CRYBG1: variants seen among roughly 807,000 people sequenced by gnomAD.
CRYBG1 encodes the protein crystallin beta-gamma domain containing 1, also known as beta/gamma crystallin domain-containing protein 1.
CRYBG1 carries 139 observed loss-of-function variants against 189.2 expected under a neutral mutation model. The observed-to-expected ratio is 0.73, with a 90% CI of 0.64 to 0.85. The LOEUF is 0.85. Ranked by LOEUF, CRYBG1 falls within the 40% of genes least tolerant of loss-of-function variation. CRYBG1 has a pLI of 0.00. For missense variants in CRYBG1, 2,611 were observed against 2,675.8 expected (o/e 0.98, Z 0.53); for synonymous variants, 1,023 against 1,017.1 (o/e 1.01, Z -0.11).
chr6:106,402,843 T>G (rs1460483009), intron 1 of CRYBG1, among the ~76,000 whole-genome samples: 1 of 149,820 alleles, frequency 6.7e-6, no homozygotes, highest in African/African-American at 2.5e-5. Flanking sequence ...GCAGGATGAG[T>G]GAGGGGAGGG....
At chr6:106,485,863 G>T (rs1428786643) in intron 2 of CRYBG1, among the ~76,000 whole-genome samples, 1 of 152,140 alleles carries the variant, frequency 6.6e-6, no homozygotes, top group African/African-American at 2.4e-5. Flanking sequence ...GTTGAATTTG[G>T]TTTGCAAATA....
At chr6:106,395,881 T>TCTAGACAAATGACAAGCC (rs1770596726) in intron 1 of CRYBG1, among the ~76,000 whole-genome samples, 1 of 152,036 alleles carries the variant, frequency 6.6e-6, no homozygotes, top group South Asian at 2.1e-4. Context: ...TACCCTGAGC[T>TCTAGACAAATGACAAGCC]CTAGGCAAAT....
rs114655182 is a variant in CRYBG1, at chr6:106,425,590, A to C, written c.174-26104A>C. 3.3e-3 allele frequency among the ~76,000 whole-genome samples: 502 copies of C among 152,310 alleles called. 4 individuals carry two copies. Among genetic ancestry groups the C allele is most frequent in the African/African-American group, 0.012 (484 of 41,564 alleles). On this transcript the variant is annotated intron_variant, in intron 1 of 21. Coordinates refer to ENST00000633556, the MANE Select transcript of CRYBG1 (RefSeq NM_001371242.2). ...TAAATACACTTTCTAACGCAATGTGACTGGAGAAAAGTTCACAGCTATGTT... is the reference window on the plus strand; with the variant it reads ...TAAATACACTTTCTAACGCAATGTGCCTGGAGAAAAGTTCACAGCTATGTT...
intron 21 of CRYBG1, among the ~76,000 whole-genome samples, chr6:106,566,167 GA>G (rs34366986): frequency 0.019 from 2,309 of 123,822 alleles, 57 homozygotes; most frequent in African/African-American, 0.057. Context: ...GCACCAGCGT[GA>G]AAAAAAAAAA....
Position 106,561,335 on chromosome 6 carries a change from C to T in CRYBG1, c.5980-7C>T, listed in dbSNP as rs1774712448. ...GTATAACAACTGCTGGGGGTTTTGT[C>T]TTCTAGAAGCGAATTTATTTCAGAC... On this transcript the variant is annotated splice_polypyrimidine_tract_variant and splice_region_variant and intron_variant, in intron 19 of 21. Transcript: ENST00000633556. 6.2e-7 allele frequency: 1 copy of T among 1,613,140 alleles called. No homozygotes were observed. The highest frequency in any genetic ancestry group is 1.3e-5 in the African/African-American group (1 of 74,858).
chr6:106,417,422 T>G (rs183826015), intron 1 of CRYBG1, among the ~76,000 whole-genome samples: 1 of 152,256 alleles, frequency 6.6e-6, no homozygotes, highest in Non-Finnish European at 1.5e-5. Flanking sequence ...TGACTAACCC[T>G]ATTCCCAGCC....
rs530636057 is a variant in CRYBG1 at position 106,510,951 on chromosome 6, G to T, written c.313-479G>T. Among the ~76,000 whole-genome samples, 109 of 152,284 alleles carry T rather than the reference G, an allele frequency of 7.2e-4. 4 individuals are homozygous for T. In the South Asian group the frequency reaches 0.022, roughly 31 times the overall value. On this transcript the variant is annotated intron_variant, in intron 2 of 21. Coordinates refer to ENST00000633556, the MANE Select transcript of CRYBG1 (RefSeq NM_001371242.2). Reference sequence around the variant, plus strand: ...CTGTTCTGGAGGAGAAGGCTGCTAGGACTGGTTTTTTTTCTTCGTCCTCCT... The same window carrying T: ...CTGTTCTGGAGGAGAAGGCTGCTAGTACTGGTTTTTTTTCTTCGTCCTCCT...
Position 106,519,796 on chromosome 6 carries a change from A to G in CRYBG1, c.2588A>G (p.Gln863Arg). The G allele has an allele frequency of 6.2e-7, 1 of 1,614,206 alleles. No individual in the cohort carries two copies. Among genetic ancestry groups the G allele is most frequent in the Non-Finnish European group, 8.5e-7 (1 of 1,180,018 alleles). The change falls in exon 4 of 22, where the codon CAG becomes CGG. Residue 863 changes from glutamine (Q) to arginine (R), a missense_variant. Coordinates refer to ENST00000633556, the MANE Select transcript of CRYBG1 (RefSeq NM_001371242.2). ...CCACAGCATACATTTTCTGACTCACAGTCCCCTGCTGAGTCATCTCCTGGG... is the reference window on the plus strand; with the variant it reads ...CCACAGCATACATTTTCTGACTCACGGTCCCCTGCTGAGTCATCTCCTGGG... ...PKPQHTFSDS[Q>R]SPAESSPGPS...
intron 1 of CRYBG1, among the ~76,000 whole-genome samples, chr6:106,395,242 T>TTAAAAATA (rs1372546620): frequency 9.9e-5 from 15 of 151,550 alleles, no homozygotes; most frequent in Non-Finnish European, 1.9e-4. Context: ...AAAAACAATT[T>TTAAAAATA]TAAAAATATA....
At position 106,525,160 on chromosome 6, in the gene CRYBG1, C is replaced by T; in HGVS notation, c.4273C>T (p.Leu1425Phe). The change falls in exon 5 of 22, where the codon CTC becomes TTC. Residue 1425 changes from leucine (L) to phenylalanine (F), a missense_variant. Around this residue, in one of 3 missense-constraint regions of CRYBG1, gnomAD observed 1,622 missense variants for 1,735.0 expected, o/e 0.93. Coordinates refer to ENST00000633556, the MANE Select transcript of CRYBG1 (RefSeq NM_001371242.2). The part of the protein sequence containing the change: ...MTLRGSVQNK[L>F]NPRPGKVVIY... The stretch of plus-strand genomic sequence containing the variant: ...ACTTAGAGGAAGTGTCCAAAATAAA[C>T]TCAATCCCCGACCTGGAAAGGTAAG... The T allele has an allele frequency of 6.2e-7, 1 of 1,614,114 alleles. No homozygotes were observed. Among genetic ancestry groups the T allele is most frequent in the Non-Finnish European group, 8.5e-7 (1 of 1,179,990 alleles).
chr6:106,410,626 A>G (rs922939806), intron 1 of CRYBG1, among the ~76,000 whole-genome samples: 1 of 152,244 alleles, frequency 6.6e-6, no homozygotes, highest in African/African-American at 2.4e-5. Flanking sequence ...AACCAACCCA[A>G]TGCCCATCAA....
chr6:106,530,318 A>G lies in CRYBG1; in HGVS notation c.4718+3A>G, dbSNP rs17495742. On this transcript the variant is annotated splice_donor_region_variant and intron_variant, in intron 8 of 21. Transcript: ENST00000633556. The stretch of plus-strand genomic sequence containing the variant: ...TCCATGAAAGTACATTGGGGCACGT[A>G]AGTATTTTTTTTTCAAACAAATTTT... The G allele has an allele frequency of 0.045, 72,487 of 1,596,454 alleles. 1,917 individuals are homozygous for G. The highest frequency in any genetic ancestry group is 0.054 in the Non-Finnish European group (63,708 of 1,172,660).
rs1582777963 is a variant in CRYBG1, at chr6:106,464,537, T to G, written c.312+12705T>G. On this transcript the variant is annotated intron_variant, in intron 2 of 21. Coordinates refer to ENST00000633556, the MANE Select transcript of CRYBG1 (RefSeq NM_001371242.2). ...GAAAGTCAACATGCTATTCATGGAA[T>G]AAGATCCCTAAATAATGAGAAACTT... is the stretch of plus-strand genomic sequence containing the variant. 2.6e-5 allele frequency among the ~76,000 whole-genome samples: 4 copies of G among 151,338 alleles called. 1 individual carries two copies. The Middle Eastern group carries it at 0.01, about 391-fold the overall frequency.
At chr6:106,506,446 C>CTTTTTTTTTTTTTTTTTTTT (rs67154803) in intron 2 of CRYBG1, among the ~76,000 whole-genome samples, 1 of 69,920 alleles carries the variant, frequency 1.4e-5, no homozygotes, top group Non-Finnish European at 2.6e-5. Context: ...TTTCTTGTCA[C>CTTTTTTTTTTTTTTTTTTTT]TTTTTTTTTT....
At chr6:106,484,852 G>A (rs191538687) in intron 2 of CRYBG1, among the ~76,000 whole-genome samples, 5 of 152,246 alleles carry the variant, frequency 3.3e-5, no homozygotes, top group Admixed American at 3.3e-4. Flanking sequence ...TTAGCTGGAT[G>A]TGGTGGTATG....
At chr6:106,416,877 A>G (rs1358306455) in intron 1 of CRYBG1, among the ~76,000 whole-genome samples, 1 of 151,390 alleles carries the variant, frequency 6.6e-6, no homozygotes, top group Non-Finnish European at 1.5e-5. Flanking sequence ...ACTGAAAAAT[A>G]TGTTATCTCT....
At chr6:106,448,368 G>A (rs1413947095) in intron 1 of CRYBG1, among the ~76,000 whole-genome samples, 2 of 152,128 alleles carry the variant, frequency 1.3e-5, no homozygotes, top group South Asian at 2.1e-4. Context: ...GTGAAGCAAG[G>A]GCCGTCCCTG....
chr6:106,373,509 A>T (rs1387693110), intron 1 of CRYBG1, among the ~76,000 whole-genome samples: 1 of 152,148 alleles, frequency 6.6e-6, no homozygotes, highest in Admixed American at 6.5e-5. Flanking sequence ...ACAGAGTTTG[A>T]TGCAAAAGGA....
chr6:106,482,217 T>C (rs113632510), intron 2 of CRYBG1, among the ~76,000 whole-genome samples: 17,034 of 145,400 alleles, frequency 0.12, no homozygotes, highest in East Asian at 0.19. Flanking sequence ...TTGAAGGCCA[T>C]TGAGAGAGAC....
Sources: gnomAD v4.1 joint callset for allele counts (sites outside exome capture counted in the v4.1 genomes callset) on GRCh38, gnomAD v4.1.1 for gene constraint, gnomAD v4.1.1 regional missense constraint, MANE v1.5 for transcripts, NCBI Gene and HGNC (gene_info 2026-07-23, HGNC 2026-07-21) for gene names.